The following FCHSD2 variants were observed in gnomAD, a reference collection of about 807,000 sequenced individuals.
The protein encoded by FCHSD2 is F-BAR and double SH3 domains protein 2.
Under a neutral mutation model 108.1 loss-of-function variants are expected in FCHSD2, and 38 were observed. The ratio of observed to expected loss-of-function variants is 0.35; its 90% confidence interval spans 0.27 to 0.46. The LOEUF is 0.46. FCHSD2 is among the 20% of genes least tolerant of loss of function. The probability of loss-of-function intolerance (pLI) is 1.00; values close to 1 mark genes in which losing one functional copy is unlikely to be tolerated. For synonymous variants in FCHSD2, 279 were observed against 314.7 expected, an observed-to-expected ratio of 0.89 and a Z score of 1.20; for missense variants, 751 against 897.8, an observed-to-expected ratio of 0.84 and a Z score of 2.09.
intron 2 of FCHSD2, among the ~76,000 whole-genome samples, chr11:73,088,635 CAT>C (rs1410108254): frequency 1.3e-5 from 2 of 152,022 alleles, no homozygotes; most frequent in East Asian, 1.9e-4. Context: ...CATTCATAAA[CAT>C]GTACACACAC....
rs1033171245 is a variant in FCHSD2 at position 72,935,686 on chromosome 11, T to C, written c.706-13736A>G. ...ATTTACATTACTGTAAATATCTTAA[T>C]ATGTAGTTGAATTTATCAGTTGATA... On this transcript the variant is annotated intron_variant, in intron 8 of 19. Coordinates refer to ENST00000409418, the MANE Select transcript of FCHSD2 (RefSeq NM_014824.3). 5.9e-5 allele frequency among the ~76,000 whole-genome samples: 9 copies of C among 152,236 alleles called. No individual in the cohort carries two copies. In the East Asian group the frequency reaches 1.7e-3, roughly 29 times the overall value.
chr11:72,977,664 G>C (rs923693443), intron 8 of FCHSD2, among the ~76,000 whole-genome samples: 1 of 152,234 alleles, frequency 6.6e-6, no homozygotes, highest in Admixed American at 6.5e-5. Context: ...TCACTAAAAA[G>C]TCAGGAAACA....
At position 72,843,242 on chromosome 11, in the gene FCHSD2, C is replaced by T; in HGVS notation, c.1614G>A (p.Gln538=). The T allele has an allele frequency of 6.2e-7, 1 of 1,614,042 alleles. No individual in the cohort carries two copies. Among genetic ancestry groups the T allele is most frequent in the Non-Finnish European group, 8.5e-7 (1 of 1,179,888 alleles). The change falls in exon 16 of 20, where the codon CAG becomes CAA. Residue 538 remains glutamine, a synonymous_variant. Coordinates refer to ENST00000409418, the MANE Select transcript of FCHSD2 (RefSeq NM_014824.3). The part of the protein sequence containing the change: ...PTSNSLLSML[Q]SLAALDSRSH... ...ACCGACTGTCCAAAGCGGCCAGGGA[C>T]TGCAGCATGCTCAGGAGGCTGTTCG... is the stretch of plus-strand genomic sequence containing the variant.
intron 3 of FCHSD2, among the ~76,000 whole-genome samples, chr11:73,051,868 A>AAC (rs61511109): frequency 0.034 from 4,886 of 141,686 alleles, 112 homozygotes; most frequent in Middle Eastern, 0.056. Context: ...ACGGTATATA[A>AAC]ACACACACAC....
At chr11:72,892,287 C>CT (rs1403518140) in intron 10 of FCHSD2, among the ~76,000 whole-genome samples, 3 of 152,150 alleles carry the variant, frequency 2.0e-5, no homozygotes, top group Non-Finnish European at 4.4e-5. Flanking sequence ...TCTACTAAGA[C>CT]TTGGGAGTCC....
intron 10 of FCHSD2, among the ~76,000 whole-genome samples, chr11:72,892,796 G>A (rs1855343579): frequency 6.6e-6 from 1 of 151,958 alleles, no homozygotes; most frequent in Admixed American, 6.6e-5. Context: ...AGTAGAGACG[G>A]GGTTTCACCA....
intron 13 of FCHSD2, among the ~76,000 whole-genome samples, chr11:72,862,503 G>A (rs534227638): frequency 1.3e-5 from 2 of 152,286 alleles, no homozygotes; most frequent in South Asian, 4.1e-4. Flanking sequence ...CCAAAATTAT[G>A]AAATAGGGGT....
At chr11:72,877,870 G>T (rs118141553) in intron 12 of FCHSD2, among the ~76,000 whole-genome samples, 2 of 152,076 alleles carry the variant, frequency 1.3e-5, no homozygotes, top group Non-Finnish European at 2.9e-5. Context: ...GCTGGGTATG[G>T]TGGCACATGT....
chr11:72,937,038 T>C (rs374694171), intron 8 of FCHSD2, among the ~76,000 whole-genome samples: 1 of 152,294 alleles, frequency 6.6e-6, no homozygotes, highest in African/African-American at 2.4e-5. Flanking sequence ...AAATAGCAGA[T>C]TTCTGCTCAT....
chr11:73,097,312 G>A (rs1045735418), intron 2 of FCHSD2, among the ~76,000 whole-genome samples: 2 of 151,358 alleles, frequency 1.3e-5, no homozygotes, highest in African/African-American at 4.9e-5. Flanking sequence ...GGTCGTGGTG[G>A]ATAATCCTTT....
intron 2 of FCHSD2, among the ~76,000 whole-genome samples, chr11:73,108,457 T>C (rs1860398864): frequency 6.6e-6 from 1 of 152,268 alleles, no homozygotes; most frequent in African/African-American, 2.4e-5. Context: ...GCTTGTGTAG[T>C]ATTACTCAAG....
At chr11:73,100,048 T>A (rs770515041) in intron 2 of FCHSD2, among the ~76,000 whole-genome samples, 2 of 152,116 alleles carry the variant, frequency 1.3e-5, no homozygotes. Context: ...CCGGAAGGCG[T>A]GTTCTTGGCT....
intron 3 of FCHSD2, among the ~76,000 whole-genome samples, chr11:73,029,437 T>C (rs1858307756): frequency 6.6e-6 from 1 of 152,192 alleles, no homozygotes; most frequent in Non-Finnish European, 1.5e-5. Context: ...TTAATTTAGG[T>C]CAATTTCAGC....
intron 2 of FCHSD2, among the ~76,000 whole-genome samples, chr11:73,113,881 G>T (rs2135549500): frequency 6.6e-6 from 1 of 152,236 alleles, no homozygotes; most frequent in South Asian, 2.1e-4. Flanking sequence ...AGATCCAGAA[G>T]AATTCTCTAT....
At position 73,070,486 on chromosome 11, in the gene FCHSD2, C is replaced by T. The variant is rs182522258; in HGVS notation, c.165+13209G>A. Among the ~76,000 whole-genome samples, 33 of 152,202 alleles carry T rather than the reference C, an allele frequency of 2.2e-4. 1 individual carries two copies. In the East Asian group the frequency reaches 5.6e-3, roughly 26 times the overall value. Reference sequence around the variant, plus strand: ...TCGCCCAGGCTGGAGTGCAGTGGCACGACCTTGGCTCACTGCAACCTCCAC... The same window carrying T: ...TCGCCCAGGCTGGAGTGCAGTGGCATGACCTTGGCTCACTGCAACCTCCAC... On this transcript the variant is annotated intron_variant, in intron 3 of 19. Coordinates refer to ENST00000409418, the MANE Select transcript of FCHSD2 (RefSeq NM_014824.3).
rs749327485 is a variant in FCHSD2, at chr11:72,867,861, G to A, written c.1308+4C>T. 1.2e-5 allele frequency: 19 copies of A among 1,610,092 alleles called. No homozygotes were observed. Among genetic ancestry groups the A allele is most frequent in the South Asian group, 3.3e-5 (3 of 90,056 alleles). ...CTTGTCATATCCAAGAAAAGAAATC[G>A]TACCGAGTGTAAAGTGCCATTACTG... On this transcript the variant is annotated splice_donor_region_variant and intron_variant, in intron 13 of 19. Coordinates refer to ENST00000409418, the MANE Select transcript of FCHSD2 (RefSeq NM_014824.3).
chr11:73,038,736 T>TA (rs1306413953), intron 3 of FCHSD2, among the ~76,000 whole-genome samples: 1 of 152,062 alleles, frequency 6.6e-6, no homozygotes, highest in Non-Finnish European at 1.5e-5. Flanking sequence ...AAAAAATAAT[T>TA]AGGCATGCTC....
At chr11:72,962,762 A>C (rs1856840833) in intron 8 of FCHSD2, among the ~76,000 whole-genome samples, 1 of 152,224 alleles carries the variant, frequency 6.6e-6, no homozygotes. Context: ...TTAAAATAAA[A>C]AAAAAAATCA....
In FCHSD2 at chr11:72,843,083, C is replaced by G. The variant is rs559418791; in HGVS notation, c.1705+68G>C. 7.5e-6 allele frequency: 11 copies of G among 1,475,096 alleles called. No individual in the cohort carries two copies. In the African/African-American group the frequency reaches 1.4e-4, roughly 19 times the overall value. 91.4% of individuals were successfully genotyped at this position (1,475,096 alleles called of 1,614,324 possible). ...GTTGTGCTTTTTATCCTACTGAAGG[C>G]TTACTCCAGGGCAATACAGTTTAGG... On this transcript the variant is annotated intron_variant, in intron 16 of 19. Coordinates refer to ENST00000409418, the MANE Select transcript of FCHSD2 (RefSeq NM_014824.3).
Sources: gnomAD v4.1 joint callset for allele counts (sites outside exome capture counted in the v4.1 genomes callset) on GRCh38, gnomAD v4.1.1 for gene constraint, MANE v1.5 for transcripts, NCBI Gene and HGNC (gene_info 2026-07-23, HGNC 2026-07-21) for gene names.